Variants in FASTKD2 observed in about 807,000 individuals in gnomAD.
FASTKD2 encodes the protein FAST kinase domains 2.
A neutral mutation model predicts 63.6 loss-of-function variants in FASTKD2; 51 were observed. The ratio of observed to expected loss-of-function variants is 0.80; its 90% CI spans 0.64 to 1.01. The LOEUF (loss-of-function observed/expected upper bound fraction) is 1.01. FASTKD2 is among the 50% of genes least tolerant of loss of function. The probability of loss-of-function intolerance (pLI) is 0.00; values close to 1 mark genes in which losing one functional copy is unlikely to be tolerated. For synonymous variants in FASTKD2, 284 were observed against 293.4 expected (o/e 0.97, Z 0.33); for missense variants, 786 against 831.1 (o/e 0.95, Z 0.67).
intron 2 of FASTKD2, among the ~76,000 whole-genome samples, chr2:206,769,841 T>A (rs2105972527): frequency 6.6e-6 from 1 of 152,362 alleles, no homozygotes; most frequent in African/African-American, 2.4e-5. Flanking sequence ...ATATCAAATG[T>A]GTTTTCAGTG....
intron 8 of FASTKD2, 113 bp from the exon 9 acceptor site, chr2:206,787,824 G>T: frequency 2.2e-6 from 1 of 446,690 alleles, no homozygotes; most frequent in Non-Finnish European, 3.8e-6. Flanking sequence ...AAATACAAGT[G>T]CATTTATGTA....
chr2:206,781,402 G>T (rs904871665), intron 7 of FASTKD2, among the ~76,000 whole-genome samples: 6 of 130,318 alleles, frequency 4.6e-5, no homozygotes, highest in African/African-American at 1.7e-4. Flanking sequence ...TGCAACCTCT[G>T]CCTCCCAGGT....
rs1269669369 is a variant in FASTKD2, at chr2:206,770,013, G to A, written c.778-78G>A. 4.6e-6 allele frequency: 4 copies of A among 874,802 alleles called. No individual in the cohort carries two copies. In the South Asian group the frequency reaches 5.3e-5, roughly 12 times the overall value. 54.2% of individuals were successfully genotyped at this position (874,802 alleles called of 1,614,324 possible). A position where few individuals can be genotyped will look rare whatever the true frequency, so the allele number is the denominator to read the frequency against. ...CTCAATCGTTTTATTCAGTACATCA[G>A]TTCAGTGGTTTTGCTTGGGTAAGAT... On this transcript the variant is annotated intron_variant, in intron 2 of 11. Transcript: ENST00000402774.
At chr2:206,783,558 T>C (rs1270970691) in intron 7 of FASTKD2, among the ~76,000 whole-genome samples, 1 of 152,038 alleles carries the variant, frequency 6.6e-6, no homozygotes, top group Non-Finnish European at 1.5e-5. Flanking sequence ...AGCTAAGTGG[T>C]AATTAAAACT....
At chr2:206,780,897 C>G (rs144360463) in intron 7 of FASTKD2, among the ~76,000 whole-genome samples, 1 of 152,036 alleles carries the variant, frequency 6.6e-6, no homozygotes, top group East Asian at 1.9e-4. Context: ...TGGTATGGCC[C>G]TCTAGTCAAT....
At chr2:206,772,137 A>G in intron 5 of FASTKD2, 44 bp from the exon 6 acceptor site, 1 of 1,599,512 alleles carries the variant, frequency 6.3e-7, no homozygotes, top group Non-Finnish European at 8.6e-7. Context: ...TGTATTCAAA[A>G]CAATCAGGTA....
chr2:206,774,408 GTTT>G lies in FASTKD2; in HGVS notation c.1427+18_1427+20del. On this transcript the variant is annotated intron_variant, in intron 7 of 11. Coordinates refer to ENST00000402774, the MANE Select transcript of FASTKD2 (RefSeq NM_001136193.2). ...ATGCCAGAACAAAGAGTATGTACTT[GTTT>G]TTTTTTACCTTTTTTATTGCCATAT... The G allele has an allele frequency of 1.3e-6, 2 of 1,530,038 alleles. No homozygotes were observed. The highest frequency in any genetic ancestry group is 1.8e-6 in the Non-Finnish European group (2 of 1,113,528). The allele number at this position is 1,530,038 out of a possible 1,614,324, so 94.8% of individuals were successfully genotyped here. A position where few individuals can be genotyped will look rare whatever the true frequency, so the allele number is the denominator to read the frequency against.
At chr2:206,774,182 C>A in intron 6 of FASTKD2, 43 bp from the exon 7 acceptor site, 2 of 1,375,396 alleles carry the variant, frequency 1.5e-6, no homozygotes, top group Non-Finnish European at 2.0e-6. Flanking sequence ...TATTAGCATA[C>A]TGTAATTATT....
chr2:206,777,769 A>G (rs1689862258), intron 7 of FASTKD2, among the ~76,000 whole-genome samples: 3 of 152,184 alleles, frequency 2.0e-5, no homozygotes, highest in Admixed American at 6.5e-5. Flanking sequence ...CAATGAAGCT[A>G]TCTAGTCCTG....
intron 2 of FASTKD2, 124 bp downstream of exon 2, chr2:206,767,594 A>C: frequency 2.6e-6 from 2 of 770,102 alleles, no homozygotes; most frequent in South Asian, 1.6e-5. Flanking sequence ...TTTCCTTTAT[A>C]TTTATTTCTG....
intron 6 of FASTKD2, among the ~76,000 whole-genome samples, chr2:206,773,067 C>T (rs990057296): frequency 6.6e-6 from 1 of 152,078 alleles, no homozygotes; most frequent in African/African-American, 2.4e-5. Flanking sequence ...GTAATCCCAG[C>T]ACTTTGGGAG....
In FASTKD2 at chr2:206,788,806, TCTTTC is replaced by T. The variant is rs1427408296; in HGVS notation, c.1814-7_1814-3del. 3 of 1,347,180 alleles carry T rather than the reference TCTTTC, an allele frequency of 2.2e-6. No homozygotes were observed. Among genetic ancestry groups the T allele is most frequent in the African/African-American group, 1.4e-5 (1 of 69,802 alleles). 83.5% of individuals were successfully genotyped at this position (1,347,180 alleles called of 1,614,324 possible). On this transcript the variant is annotated splice_polypyrimidine_tract_variant and splice_region_variant and intron_variant, in intron 9 of 11. Transcript: ENST00000402774. ...GAATGTTTGAAAAATTAATATCAAT[TCTTTC>T]CTTTCAGATTTTGAAATCAGAATGG...
rs118203917 is a variant in FASTKD2, at chr2:206,774,264, C to T, written c.1294C>T (p.Arg432Ter). The T allele has an allele frequency of 1.3e-5, 21 of 1,611,746 alleles. No individual in the cohort carries two copies. Among genetic ancestry groups the T allele is most frequent in the East Asian group, 2.2e-5 (1 of 44,736 alleles). The change falls in exon 7 of 12, where the codon CGA becomes TGA. Residue 432 changes from arginine (R) to a stop codon, truncating the protein, a stop_gained. Transcript: ENST00000402774. LOFTEE classifies it high-confidence loss of function. ...ILILFENLGF[R>*]PVGLMDLFMK... is the part of the protein sequence containing the mutation. ...CATTTTATTTGAAAACCTTGGCTTT[C>T]GACCTGTTGGTTTAATGGACCTGTT... is the stretch of plus-strand genomic sequence containing the variant.
In FASTKD2 at chr2:206,779,301, C is replaced by T. The variant is rs1458132329; in HGVS notation, c.1427+4904C>T. Among the ~76,000 whole-genome samples the T allele has an allele frequency of 2.6e-5, 4 of 152,196 alleles. No individual in the cohort carries two copies. In the East Asian group the frequency reaches 7.7e-4, roughly 29 times the overall value. ...AAATCTAAAGCGAGTATCTTGTAGA[C>T]AAGTTATAGTTTGGTCTTTTTTTTT... On this transcript the variant is annotated intron_variant, in intron 7 of 11. Transcript: ENST00000402774.
At chr2:206,786,961 C>G (rs1690154211) in intron 8 of FASTKD2, 62 bp downstream of exon 8, 1 of 993,430 alleles carries the variant, frequency 1.0e-6, no homozygotes, top group Non-Finnish European at 1.6e-6. Flanking sequence ...CACTAGCTAC[C>G]ATATGACTCT....
At chr2:206,786,992 C>A in intron 8 of FASTKD2, 93 bp downstream of exon 8, 1 of 817,156 alleles carries the variant, frequency 1.2e-6, no homozygotes, top group Non-Finnish European at 2.0e-6. Flanking sequence ...TTAGTTGGAG[C>A]AGTGTTAGTT....
intron 10 of FASTKD2, chr2:206,790,210 T>G (rs1690246237): frequency 4.4e-6 from 1 of 225,544 alleles, no homozygotes; most frequent in Non-Finnish European, 9.0e-6. Context: ...TGGTATTATT[T>G]ACACCGTTAC....
Position 206,794,451 on chromosome 2 carries a change from G to T in FASTKD2, c.*2649G>T, listed in dbSNP as rs963442041. Among the ~76,000 whole-genome samples, 1 of 151,956 alleles carries T rather than the reference G, an allele frequency of 6.6e-6. No homozygotes were observed. The highest frequency in any genetic ancestry group is 1.5e-5 in the Non-Finnish European group (1 of 67,996). On this transcript the variant is annotated 3_prime_UTR_variant, in exon 12 of 12. Transcript: ENST00000402774. ...AGATGGGGCCCTGCTATGTTACCCA[G>T]GCTAGCTTCAAACTCCTGGGCTCAA... is the stretch of plus-strand genomic sequence containing the variant.
chr2:206,773,011 T>C (rs1689725870), intron 6 of FASTKD2, among the ~76,000 whole-genome samples: 11 of 152,200 alleles, frequency 7.2e-5, no homozygotes, highest in Admixed American at 7.2e-4. Context: ...GCTCTTCTTT[T>C]TCGTTTTAAA....
Sources: allele counts gnomAD v4.1 joint callset (sites outside exome capture counted in the v4.1 genomes callset), GRCh38; gene constraint gnomAD v4.1.1; transcripts MANE v1.5; gene names NCBI Gene and HGNC (gene_info 2026-07-23, HGNC 2026-07-21).